Variants in HIVEP3 observed in about 807,000 individuals in gnomAD.
The protein encoded by HIVEP3 is HIVEP zinc finger 3.
Under a neutral mutation model 152.8 loss-of-function variants are expected in HIVEP3, and 49 were observed. The observed-to-expected ratio is 0.32, with a 90% CI of 0.26 to 0.41. HIVEP3 has a LOEUF of 0.41. HIVEP3 is among the 10% of genes least tolerant of loss of function. The pLI, the probability that HIVEP3 is intolerant of heterozygous loss-of-function variation, is 1.00. For missense variants in HIVEP3, 2,790 were observed against 3,103.3 expected (o/e 0.90, Z 2.40); for synonymous variants, 1,269 against 1,289.0 (o/e 0.98, Z 0.33).
At chr1:41,777,844 A>G (rs953851349) in intron 1 of HIVEP3, among the ~76,000 whole-genome samples, 3 of 152,252 alleles carry the variant, frequency 2.0e-5, no homozygotes, top group African/African-American at 7.2e-5. Context: ...CTCTGGGAAG[A>G]GCGCAGATGT....
chr1:41,634,500 A>G (rs1309523849), intron 2 of HIVEP3, among the ~76,000 whole-genome samples: 1 of 152,172 alleles, frequency 6.6e-6, no homozygotes, highest in African/African-American at 2.4e-5. Flanking sequence ...AACAAAAGAC[A>G]TAAAATAAGA....
In HIVEP3 at chr1:41,513,400, A is replaced by G. The variant is rs1642503470; in HGVS notation, c.5821T>C (p.Trp1941Arg). Reference protein sequence around the residue: ...MSSQSMPGLPWLGPAPLGSVE... With the variant: ...MSSQSMPGLPRLGPAPLGSVE... The stretch of plus-strand genomic sequence containing the variant: ...GAGCCCAGAGGGGCCGGTCCCAGCC[A>G]GGGGAGGCCCGGCATGCTCTGGCTG... Residue 1941 changes from tryptophan to arginine, a missense_variant, in exon 8 of 9, where the codon TGG (tryptophan) becomes CGG (arginine). Physicochemically the swap from Trp to Arg is moderately radical, Grantham distance 101. This residue lies in a region of HIVEP3 where 816 missense variants were observed against 806.5 expected (regional missense o/e 1.01). Transcript: ENST00000372583. The G allele has an allele frequency of 6.2e-7, 1 of 1,611,962 alleles. No homozygotes were observed. Among genetic ancestry groups the G allele is most frequent in the Non-Finnish European group, 8.5e-7 (1 of 1,179,264 alleles).
intron 1 of HIVEP3, among the ~76,000 whole-genome samples, chr1:41,786,820 C>G (rs573224985): frequency 1.3e-5 from 2 of 150,486 alleles, no homozygotes. Flanking sequence ...GGCAGGATCT[C>G]GGTTCACTGC....
chr1:41,973,098 A>T (rs1384021898), intron 1 of HIVEP3, among the ~76,000 whole-genome samples: 1 of 152,130 alleles, frequency 6.6e-6, no homozygotes, highest in Non-Finnish European at 1.5e-5. Flanking sequence ...GAAAGCACAC[A>T]GTGTGGTCTG....
chr1:41,670,358 T>G (rs558212986), intron 2 of HIVEP3, among the ~76,000 whole-genome samples: 15 of 152,316 alleles, frequency 9.8e-5, no homozygotes, highest in South Asian at 8.3e-4. Context: ...TGGCTTTCTC[T>G]GGAGCAGCCA....
chr1:41,761,124 A>G (rs1022484817), intron 1 of HIVEP3, among the ~76,000 whole-genome samples: 1 of 152,258 alleles, frequency 6.6e-6, no homozygotes, highest in Admixed American at 6.5e-5. Flanking sequence ...ATTGCTGGTG[A>G]AGGGGTTCTA....
intron 1 of HIVEP3, among the ~76,000 whole-genome samples, chr1:41,722,309 G>A (rs186901997): frequency 5.9e-5 from 9 of 152,322 alleles, no homozygotes; most frequent in Admixed American, 3.3e-4. Flanking sequence ...TGTAGCTCGT[G>A]CTTGTGAAAT....
chr1:42,011,043 G>T (rs1645489519), intron 1 of HIVEP3, among the ~76,000 whole-genome samples: 1 of 152,184 alleles, frequency 6.6e-6, no homozygotes, highest in South Asian at 2.1e-4. Flanking sequence ...AGCCCATCTA[G>T]CTTGTCTTGA....
intron 3 of HIVEP3, among the ~76,000 whole-genome samples, chr1:41,611,605 A>G (rs1363263563): frequency 6.6e-6 from 1 of 152,232 alleles, no homozygotes; most frequent in African/African-American, 2.4e-5. Flanking sequence ...GGGGGTCTGC[A>G]GTGTGTGTCT....
chr1:42,026,180 A>T, intron 1 of HIVEP3, among the ~76,000 whole-genome samples: 1 of 152,058 alleles, frequency 6.6e-6, no homozygotes, highest in African/African-American at 2.4e-5. Context: ...GCTGTCCCAG[A>T]AGGGTAGAGA....
chr1:41,596,841 C>G (rs964836814), intron 3 of HIVEP3, among the ~76,000 whole-genome samples: 1 of 152,106 alleles, frequency 6.6e-6, no homozygotes, highest in Non-Finnish European at 1.5e-5. Flanking sequence ...ACCTTCCTTC[C>G]CTGTATCTGA....
At chr1:41,817,374 C>G (rs1642439524) in intron 1 of HIVEP3, among the ~76,000 whole-genome samples, 1 of 152,018 alleles carries the variant, frequency 6.6e-6, no homozygotes, top group Non-Finnish European at 1.5e-5. Context: ...AAACCTGACA[C>G]AGCAGGGAAA....
chr1:41,799,779 T>C (rs1352270677), intron 1 of HIVEP3, among the ~76,000 whole-genome samples: 1 of 152,128 alleles, frequency 6.6e-6, no homozygotes, highest in East Asian at 1.9e-4. Context: ...AAAATGCATG[T>C]TAAAAATGGC....
At chr1:41,641,775 C>T (rs1645377159) in intron 2 of HIVEP3, among the ~76,000 whole-genome samples, 1 of 152,192 alleles carries the variant, frequency 6.6e-6, no homozygotes, top group South Asian at 2.1e-4. Flanking sequence ...CTCAGAGCCA[C>T]CCCCAACCCT....
At chr1:41,691,310 A>G (rs1423413521) in intron 2 of HIVEP3, among the ~76,000 whole-genome samples, 1 of 152,236 alleles carries the variant, frequency 6.6e-6, no homozygotes, top group African/African-American at 2.4e-5. Flanking sequence ...AAAAAGTTAA[A>G]GCATTATCAG....
At chr1:41,811,451 T>C (rs1650953254) in intron 1 of HIVEP3, among the ~76,000 whole-genome samples, 1 of 151,992 alleles carries the variant, frequency 6.6e-6, no homozygotes, top group Non-Finnish European at 1.5e-5. Flanking sequence ...TAACAACGAA[T>C]GCTTCTTTGA....
In HIVEP3 at chr1:41,513,483, G is replaced by A; in HGVS notation, c.5738C>T (p.Thr1913Ile). 1.9e-6 allele frequency: 3 copies of A among 1,610,614 alleles called. No homozygotes were observed. The highest frequency in any genetic ancestry group is 2.5e-6 in the Non-Finnish European group (3 of 1,179,150). The change falls in exon 8 of 9, where the codon ACA becomes ATA. Residue 1913 changes from threonine (T) to isoleucine (I), a missense_variant. This residue lies in a region of HIVEP3 where 816 missense variants were observed against 806.5 expected (regional missense o/e 1.01). Transcript: ENST00000372583. ...AGCTTCCGAGACCGAGCTGCCTCGTGTAGCCTCCGTGCCAGAGGCGGGGGC... is the reference window on the plus strand; with the variant it reads ...AGCTTCCGAGACCGAGCTGCCTCGTATAGCCTCCGTGCCAGAGGCGGGGGC... ...PDAPASGTEATRGSSVSEAER... is the reference protein window; with the variant it reads ...PDAPASGTEAIRGSSVSEAER...
At chr1:42,021,169 G>GACCATAA (rs1645551467) in intron 1 of HIVEP3, among the ~76,000 whole-genome samples, 1 of 152,086 alleles carries the variant, frequency 6.6e-6, no homozygotes, top group Non-Finnish European at 1.5e-5. Flanking sequence ...ACCATAAGGG[G>GACCATAA]GAAAAAAGGA....
intron 1 of HIVEP3, among the ~76,000 whole-genome samples, chr1:41,736,658 G>A (rs766508303): frequency 3.3e-5 from 5 of 152,212 alleles, no homozygotes; most frequent in Non-Finnish European, 5.9e-5. Flanking sequence ...GAACCAGGGC[G>A]TGCATTTCTG....
Sources: allele counts gnomAD v4.1 joint callset (sites outside exome capture counted in the v4.1 genomes callset), GRCh38; gene constraint gnomAD v4.1.1; regional missense constraint gnomAD v4.1.1; transcripts MANE v1.5; gene names NCBI Gene and HGNC (gene_info 2026-07-23, HGNC 2026-07-21).